The following LRFN2 variants were observed in gnomAD, a reference collection of about 807,000 sequenced individuals.
LRFN2 encodes leucine-rich repeat and fibronectin type-III domain-containing protein 2.
A neutral mutation model predicts 37.3 loss-of-function variants in LRFN2; 18 were observed. The observed-to-expected ratio is 0.48, with a 90% confidence interval of 0.33 to 0.72. The LOEUF (loss-of-function observed/expected upper bound fraction) is 0.72. LRFN2 is among the 30% of genes least tolerant of loss of function. The pLI, the probability that LRFN2 is intolerant of heterozygous loss-of-function variation, is 0.02. For missense variants in LRFN2, 1,006 were observed against 1,060.7 expected, an observed-to-expected ratio of 0.95 and a Z score of 0.72; for synonymous variants, 556 against 466.6, an observed-to-expected ratio of 1.19 and a Z score of -2.47.
chr6:40,528,023 G>T (rs1766284709), intron 1 of LRFN2, among the ~76,000 whole-genome samples: 1 of 152,228 alleles, frequency 6.6e-6, no homozygotes. Flanking sequence ...TGGAGTCTCA[G>T]AGAGGTTAAG....
intron 1 of LRFN2, among the ~76,000 whole-genome samples, chr6:40,489,119 G>T (rs1466075287): frequency 6.6e-6 from 1 of 152,008 alleles, no homozygotes; most frequent in Non-Finnish European, 1.5e-5. Flanking sequence ...ACACCTCACA[G>T]CACACCAGGA....
intron 1 of LRFN2, among the ~76,000 whole-genome samples, chr6:40,466,248 G>A (rs1251811927): frequency 1.3e-5 from 2 of 152,184 alleles, no homozygotes; most frequent in Admixed American, 1.3e-4. Context: ...TCACCCCAAG[G>A]AGCAGGCAGC....
At chr6:40,584,736 C>A (rs2113802663) in intron 1 of LRFN2, among the ~76,000 whole-genome samples, 1 of 151,802 alleles carries the variant, frequency 6.6e-6, no homozygotes, top group South Asian at 2.1e-4. Context: ...ATCCACCCTG[C>A]AAAAAAGGAG....
At chr6:40,445,839 T>TA (rs1763956692) in intron 1 of LRFN2, among the ~76,000 whole-genome samples, 1 of 152,198 alleles carries the variant, frequency 6.6e-6, no homozygotes, top group Non-Finnish European at 1.5e-5. Context: ...GACCTCTCAA[T>TA]ACCTCAGTTT....
intron 1 of LRFN2, among the ~76,000 whole-genome samples, chr6:40,585,665 G>T (rs528801541): frequency 6.6e-6 from 1 of 152,044 alleles, no homozygotes; most frequent in Non-Finnish European, 1.5e-5. Flanking sequence ...AGAACCTCTA[G>T]CCCTGGCCCC....
At chr6:40,406,616 A>C (rs1341736376) in intron 2 of LRFN2, among the ~76,000 whole-genome samples, 1 of 152,174 alleles carries the variant, frequency 6.6e-6, no homozygotes, top group Non-Finnish European at 1.5e-5. Context: ...CACTTCCAGG[A>C]CATGCCAGGC....
intron 1 of LRFN2, among the ~76,000 whole-genome samples, chr6:40,567,462 A>C (rs1379146473): frequency 6.6e-6 from 1 of 152,160 alleles, no homozygotes; most frequent in Non-Finnish European, 1.5e-5. Flanking sequence ...AAAGAGCATA[A>C]GGGAAGCAAC....
intron 1 of LRFN2, among the ~76,000 whole-genome samples, chr6:40,455,023 G>T (rs961327348): frequency 6.6e-6 from 1 of 152,114 alleles, no homozygotes; most frequent in Non-Finnish European, 1.5e-5. Context: ...TAAAAAAGAC[G>T]TCCTTTTTAT....
intron 1 of LRFN2, among the ~76,000 whole-genome samples, chr6:40,461,589 A>T (rs1163867799): frequency 1.3e-5 from 1 of 74,876 alleles, no homozygotes; most frequent in Non-Finnish European, 3.6e-5. Context: ...TCCCCCCGAC[A>T]AAAAAAAAAA....
At position 40,495,373 on chromosome 6, in the gene LRFN2, G is replaced by T. The variant is rs556571939; in HGVS notation, c.-18-62242C>A. 3.3e-5 allele frequency among the ~76,000 whole-genome samples: 5 copies of T among 152,202 alleles called. No individual in the cohort carries two copies. In the East Asian group the frequency reaches 9.7e-4, roughly 29 times the overall value. On this transcript the variant is annotated intron_variant, in intron 1 of 2. Coordinates refer to ENST00000338305, the MANE Select transcript of LRFN2 (RefSeq NM_020737.3). ...ATAAATATCCTTTGACACCATGTTGGCTTCCTCTATGACCCTGCACACTGG... is the reference window on the plus strand; with the variant it reads ...ATAAATATCCTTTGACACCATGTTGTCTTCCTCTATGACCCTGCACACTGG...
chr6:40,483,427 C>T (rs545298810), intron 1 of LRFN2, among the ~76,000 whole-genome samples: 1 of 152,284 alleles, frequency 6.6e-6, no homozygotes, highest in South Asian at 2.1e-4. Context: ...GGTCACAGCA[C>T]TTCTTGGGGA....
At chr6:40,411,818 C>CT (rs756798154) in intron 2 of LRFN2, among the ~76,000 whole-genome samples, 163 of 152,240 alleles carry the variant, frequency 1.1e-3, no homozygotes, top group Admixed American at 2.7e-3. Context: ...CCTGGGGTTT[C>CT]TTTTTTGTGT....
intron 1 of LRFN2, among the ~76,000 whole-genome samples, chr6:40,460,266 C>T (rs1177486835): frequency 6.6e-6 from 1 of 152,158 alleles, no homozygotes; most frequent in African/African-American, 2.4e-5. Flanking sequence ...AAAAATCAGT[C>T]ACCAGGGTTC....
intron 1 of LRFN2, 38 bp downstream of exon 1, chr6:40,586,902 AC>A (rs1397803885): frequency 6.6e-6 from 1 of 152,002 alleles, no homozygotes; most frequent in Non-Finnish European, 1.5e-5. Context: ...TCCCGCGGAC[AC>A]CCGGGATCGC....
intron 1 of LRFN2, among the ~76,000 whole-genome samples, chr6:40,482,167 G>C (rs1025243916): frequency 1.3e-5 from 2 of 152,186 alleles, no homozygotes; most frequent in Non-Finnish European, 2.9e-5. Context: ...CTGTCAGAGA[G>C]GGGTGGGGAG....
At chr6:40,413,951 G>T (rs1763035491) in intron 2 of LRFN2, among the ~76,000 whole-genome samples, 5 of 152,196 alleles carry the variant, frequency 3.3e-5, no homozygotes, top group Admixed American at 3.3e-4. Context: ...GACCAGGAAG[G>T]GGACAGGGTT....
rs1299536522 is a variant in LRFN2 at position 40,451,751 on chromosome 6, C to G, written c.-18-18620G>C. On this transcript the variant is annotated intron_variant, in intron 1 of 2. Coordinates refer to ENST00000338305, the MANE Select transcript of LRFN2 (RefSeq NM_020737.3). ...AAACATGCCAACTCTCTGCCACTCC[C>G]TAGTCACATGTGTAGCTCTATGTGA... Among the ~76,000 whole-genome samples, 4 of 152,204 alleles carry G rather than the reference C, an allele frequency of 2.6e-5. No homozygotes were observed. The East Asian group carries it at 7.7e-4, about 29-fold the overall frequency.
intron 1 of LRFN2, among the ~76,000 whole-genome samples, chr6:40,574,854 C>A (rs1262869864): frequency 6.6e-6 from 1 of 152,186 alleles, no homozygotes; most frequent in Non-Finnish European, 1.5e-5. Flanking sequence ...GGACTCACAA[C>A]ATCCTCAGGC....
chr6:40,404,610 A>G (rs1223739722), intron 2 of LRFN2, among the ~76,000 whole-genome samples: 2 of 152,230 alleles, frequency 1.3e-5, no homozygotes, highest in African/African-American at 2.4e-5. Context: ...AGGCAGTGCT[A>G]TTGGATGGTG....
Sources: gnomAD v4.1 joint callset for allele counts (sites outside exome capture counted in the v4.1 genomes callset) on GRCh38, gnomAD v4.1.1 for gene constraint, MANE v1.5 for transcripts, NCBI Gene and HGNC (gene_info 2026-07-23, HGNC 2026-07-21) for gene names.